Variants in XPOT observed in about 807,000 individuals in gnomAD.
XPOT encodes the protein exportin-T.
A neutral mutation model predicts 128.2 loss-of-function variants in XPOT; 34 were observed. The ratio of observed to expected loss-of-function variants is 0.27; its 90% confidence interval spans 0.20 to 0.35. The LOEUF is 0.35. Among genes scored for constraint, XPOT ranks in the 10% least tolerant of loss-of-function variants. The pLI, the probability that XPOT is intolerant of heterozygous loss-of-function variation, is 1.00. For synonymous variants in XPOT, 348 were observed against 394.3 expected (o/e 0.88, Z 1.39); for missense variants, 838 against 1,125.3 (o/e 0.74, Z 3.65).
intron 13 of XPOT, 68 bp downstream of exon 13, chr12:64,425,250 A>G: frequency 6.2e-7 from 1 of 1,608,776 alleles, no homozygotes; most frequent in South Asian, 1.1e-5. Flanking sequence ...GGAGTTCCTT[A>G]ATTGTTAGAG....
chr12:64,435,025 C>T, intron 21 of XPOT, 116 bp downstream of exon 21: 2 of 831,912 alleles, frequency 2.4e-6, no homozygotes, highest in Admixed American at 2.9e-5. Context: ...TTAGTGATTT[C>T]AGATCAGGGT....
intron 22 of XPOT, among the ~76,000 whole-genome samples, chr12:64,438,234 A>G (rs1421994080): frequency 1.3e-5 from 2 of 152,240 alleles, no homozygotes; most frequent in Non-Finnish European, 2.9e-5. Context: ...GTTTTGCTTC[A>G]GAAAACAAAA....
chr12:64,433,566 C>A lies in XPOT; in HGVS notation c.2415C>A (p.Val805=). 6.2e-7 allele frequency: 1 copy of A among 1,610,980 alleles called. No individual in the cohort carries two copies. The highest frequency in any genetic ancestry group is 8.5e-7 in the Non-Finnish European group (1 of 1,178,254). ...GTTACTTTGCTTTCCTGCAAACAGT[C>A]ACAGGCAGTGGGATGAGCGAAGTTA... is the stretch of plus-strand genomic sequence containing the variant. ...RRSYFAFLQT[V]TGSGMSEVIA... is the part of the protein sequence containing the mutation. The change falls in exon 19 of 25, where the codon GTC becomes GTA. Residue 805 remains valine (V), a synonymous_variant. Coordinates refer to ENST00000332707, the MANE Select transcript of XPOT (RefSeq NM_007235.6).
chr12:64,413,414 C>T (rs1011553244), intron 2 of XPOT, among the ~76,000 whole-genome samples: 1 of 152,166 alleles, frequency 6.6e-6, no homozygotes, highest in African/African-American at 2.4e-5. Flanking sequence ...AACTGCTGTG[C>T]CTGGCCCAAA....
intron 19 of XPOT, among the ~76,000 whole-genome samples, 160 bp downstream of exon 19, chr12:64,433,763 A>G (rs545114761): frequency 6.6e-5 from 10 of 152,170 alleles, no homozygotes; most frequent in Non-Finnish European, 1.2e-4. Context: ...GATCACTTTT[A>G]TGTAAAGCAC....
Position 64,421,245 on chromosome 12 carries a change from T to C in XPOT, c.854T>C (p.Val285Ala). ...GFFSIDQEED[V>A]DFLARFSKLV... ...CTTGATTGCTTATAGGAAGAAGATG[T>C]TGACTTCCTGGCCAGATTTTCTAAG... Residue 285 changes from valine (V) to alanine (A), a missense_variant, in exon 9 of 25, where the codon GTT (valine) becomes GCT (alanine). Val to Ala is a moderately conservative substitution (Grantham distance 64). Around this residue, in one of 3 missense-constraint regions of XPOT, gnomAD observed 761 missense variants for 988.3 expected, o/e 0.77. Transcript: ENST00000332707. The C allele has an allele frequency of 6.2e-7, 1 of 1,613,622 alleles. No homozygotes were observed. Among genetic ancestry groups the C allele is most frequent in the Non-Finnish European group, 8.5e-7 (1 of 1,179,592 alleles).
intron 16 of XPOT, 69 bp downstream of exon 16, chr12:64,428,189 CT>C: frequency 3.6e-6 from 4 of 1,108,274 alleles, no homozygotes; most frequent in Non-Finnish European, 3.9e-6. Flanking sequence ...TTAGCCTTGC[CT>C]TTGTTGGCAT....
chr12:64,410,951 G>A (rs143317481), intron 2 of XPOT, among the ~76,000 whole-genome samples: 109 of 152,052 alleles, frequency 7.2e-4, no homozygotes, highest in African/African-American at 2.6e-3. Flanking sequence ...TGAGCTAAAT[G>A]AGGTTAACAA....
chr12:64,413,873 T>G (rs895668033), intron 2 of XPOT, among the ~76,000 whole-genome samples: 2 of 152,208 alleles, frequency 1.3e-5, no homozygotes, highest in Non-Finnish European at 2.9e-5. Context: ...TTTTAAAAAT[T>G]ATTGTTCAGG....
intron 11 of XPOT, among the ~76,000 whole-genome samples, chr12:64,423,681 T>G (rs1335527620): frequency 1.3e-5 from 2 of 152,186 alleles, no homozygotes; most frequent in Non-Finnish European, 2.9e-5. Flanking sequence ...CTTGAACTCC[T>G]GGCCTCAAGT....
At chr12:64,429,867 C>T (rs2040224460) in intron 16 of XPOT, among the ~76,000 whole-genome samples, 182 bp from the exon 17 acceptor site, 1 of 152,328 alleles carries the variant, frequency 6.6e-6, no homozygotes, top group South Asian at 2.1e-4. Flanking sequence ...GAACCGTGAT[C>T]TGTTGACCTC....
At chr12:64,407,821 C>G (rs1444269323) in intron 1 of XPOT, among the ~76,000 whole-genome samples, 1 of 152,170 alleles carries the variant, frequency 6.6e-6, no homozygotes, top group African/African-American at 2.4e-5. Context: ...TAGGGAGTTA[C>G]ACTGCCTTGA....
intron 5 of XPOT, 132 bp from the exon 6 acceptor site, chr12:64,418,744 A>G: frequency 1.5e-6 from 1 of 676,882 alleles, no homozygotes. Flanking sequence ...ATAATTTTGA[A>G]GAGTATTTGT....
chr12:64,420,976 C>T (rs1464420014), intron 8 of XPOT, among the ~76,000 whole-genome samples: 1 of 151,996 alleles, frequency 6.6e-6, no homozygotes, highest in Non-Finnish European at 1.5e-5. Flanking sequence ...AATTTTTTAC[C>T]TTTTTGGTAG....
chr12:64,425,960 A>G, intron 15 of XPOT, 51 bp downstream of exon 15: 4 of 1,507,172 alleles, frequency 2.7e-6, no homozygotes, highest in Non-Finnish European at 3.7e-6. Flanking sequence ...AAGTTACTGG[A>G]TAGATGTAAA....
At chr12:64,412,131 C>G (rs539417312) in intron 2 of XPOT, among the ~76,000 whole-genome samples, 15 of 149,926 alleles carry the variant, frequency 1.0e-4, no homozygotes, top group Non-Finnish European at 2.1e-4. Flanking sequence ...TCAAGAGATT[C>G]TCCTGCCTCA....
At chr12:64,421,006 T>TG (rs1408996391) in intron 8 of XPOT, among the ~76,000 whole-genome samples, 2 of 152,192 alleles carry the variant, frequency 1.3e-5, no homozygotes, top group African/African-American at 4.8e-5. Flanking sequence ...TTCACCATGT[T>TG]GGCCAGGCTT....
At chr12:64,446,218 C>A (rs2040366039) in intron 24 of XPOT, among the ~76,000 whole-genome samples, 1 of 152,180 alleles carries the variant, frequency 6.6e-6, no homozygotes, top group Non-Finnish European at 1.5e-5. Context: ...AACAGTAGAT[C>A]TAGGTACCCT....
intron 5 of XPOT, among the ~76,000 whole-genome samples, 177 bp downstream of exon 5, chr12:64,418,292 ATAT>A (rs2040106379): frequency 6.6e-6 from 1 of 152,192 alleles, no homozygotes; most frequent in South Asian, 2.1e-4. Flanking sequence ...CAATAATTTA[ATAT>A]TATATCAATG....
Sources: allele counts gnomAD v4.1 joint callset (sites outside exome capture counted in the v4.1 genomes callset), GRCh38; gene constraint gnomAD v4.1.1; regional missense constraint gnomAD v4.1.1; transcripts MANE v1.5; gene names NCBI Gene and HGNC (gene_info 2026-07-23, HGNC 2026-07-21).